Variants in CSPP1 observed in about 807,000 individuals in gnomAD.
The protein encoded by CSPP1 is centrosome and spindle pole-associated protein 1.
Under a neutral mutation model 164.4 loss-of-function variants are expected in CSPP1, and 126 were observed. That is an observed-to-expected ratio of 0.77 (90% CI 0.66 to 0.89). The LOEUF (loss-of-function observed/expected upper bound fraction) is 0.89. Among genes scored for constraint, CSPP1 ranks in the 40% least tolerant of loss-of-function variants. The probability of loss-of-function intolerance (pLI) is 0.00; values close to 1 mark genes in which losing one functional copy is unlikely to be tolerated. For synonymous variants in CSPP1, 472 were observed against 476.7 expected (o/e 0.99, Z 0.13); for missense variants, 1,395 against 1,449.8 (o/e 0.96, Z 0.61).
chr8:67,099,529 G>A (rs1813588059), intron 7 of CSPP1: 1 of 152,152 alleles, frequency 6.6e-6, no homozygotes, highest in South Asian at 2.1e-4. Flanking sequence ...ATGGTTCTTA[G>A]ACATTTAGTG....
chr8:67,077,776 ACTC>A (rs1280884692), intron 3 of CSPP1, among the ~76,000 whole-genome samples: 2 of 152,138 alleles, frequency 1.3e-5, no homozygotes, highest in Non-Finnish European at 2.9e-5. Flanking sequence ...ATGTAGGTAT[ACTC>A]CTAAATTGTT....
At chr8:67,096,283 G>A (rs1283889783) in intron 7 of CSPP1, among the ~76,000 whole-genome samples, 3 of 152,248 alleles carry the variant, frequency 2.0e-5, no homozygotes, top group South Asian at 4.1e-4. Flanking sequence ...ATATTAAAAT[G>A]TGGCCAGGCA....
At chr8:67,146,892 A>C (rs1365358122) in intron 17 of CSPP1, among the ~76,000 whole-genome samples, 1 of 152,238 alleles carries the variant, frequency 6.6e-6, no homozygotes, top group Non-Finnish European at 1.5e-5. Context: ...CTCTTGACCA[A>C]AGTGCCTTTT....
intron 21 of CSPP1, among the ~76,000 whole-genome samples, chr8:67,159,921 T>TTTCTTTCTTTC (rs1176409279): frequency 1.7e-5 from 1 of 59,650 alleles, no homozygotes; most frequent in Non-Finnish European, 3.1e-5. Context: ...TCTTTCTTTC[T>TTTCTTTCTTTC]TTCCTTTCCT....
intron 28 of CSPP1, among the ~76,000 whole-genome samples, chr8:67,185,813 C>G (rs183127852): frequency 6.6e-6 from 1 of 152,164 alleles, no homozygotes; most frequent in Admixed American, 6.5e-5. Flanking sequence ...ACAAGATACT[C>G]CAGCCAGAAA....
Position 67,064,434 on chromosome 8 carries a change from T to C in CSPP1, c.-115T>C, listed in dbSNP as rs1241259781. 3.7e-6 allele frequency: 6 copies of C among 1,613,788 alleles called. No homozygotes were observed. The East Asian group carries it at 1.3e-4, about 36-fold the overall frequency. ...CGCTCCAGGTGGCCGCTGTAACCTC[T>C]TCGGTCCGCGACGATCCTCTAGAGC... is the stretch of plus-strand genomic sequence containing the variant. On this transcript the variant is annotated 5_prime_UTR_variant, in exon 1 of 31. Transcript: ENST00000678616.
intron 8 of CSPP1, among the ~76,000 whole-genome samples, chr8:67,105,180 C>T (rs975546776): frequency 3.3e-5 from 5 of 150,616 alleles, no homozygotes; most frequent in Admixed American, 6.6e-5. Flanking sequence ...CGTGTGCCAC[C>T]ATGTCCAGCT....
chr8:67,175,874 T>C (rs550423756), intron 26 of CSPP1, among the ~76,000 whole-genome samples: 2 of 152,334 alleles, frequency 1.3e-5, no homozygotes, highest in Admixed American at 1.3e-4. Context: ...AGCATCAGAC[T>C]GGACTATGAA....
chr8:67,166,167 A>G (rs184545973), intron 24 of CSPP1, among the ~76,000 whole-genome samples: 1 of 152,240 alleles, frequency 6.6e-6, no homozygotes, highest in African/African-American at 2.4e-5. Context: ...CCTCAGGATC[A>G]TCTTGTATTT....
chr8:67,090,432 C>T (rs145712537), intron 4 of CSPP1, among the ~76,000 whole-genome samples: 2,482 of 151,998 alleles, frequency 0.016, 62 homozygotes, highest in South Asian at 0.046. Flanking sequence ...ACTACAGGTG[C>T]GCGGCCCCAA....
At position 67,101,415 on chromosome 8, in the gene CSPP1, C is replaced by T. The variant is rs189501276; in HGVS notation, c.924-1622C>T. ...TTTTCTGAGGATAGGCAGTCTCAGG[C>T]CTGCTCTGTTAACGCTTTTCTGCAT... On this transcript the variant is annotated intron_variant, in intron 7 of 30. Coordinates refer to ENST00000678616, the MANE Select transcript of CSPP1 (RefSeq NM_001382391.1). 1.9e-3 allele frequency among the ~76,000 whole-genome samples: 284 copies of T among 152,300 alleles called. 4 individuals carry two copies. The highest frequency in any genetic ancestry group is 6.6e-3 in the African/African-American group (273 of 41,570).
At chr8:67,075,343 T>TCCTGGTTTA (rs57407566) in intron 2 of CSPP1, among the ~76,000 whole-genome samples, 3,664 of 152,258 alleles carry the variant, frequency 0.024, 132 homozygotes, top group African/African-American at 0.082. Flanking sequence ...TTCAAGATGA[T>TCCTGGTTTA]CCTGGTTTAC....
intron 17 of CSPP1, among the ~76,000 whole-genome samples, chr8:67,146,410 A>G: frequency 6.6e-6 from 1 of 152,212 alleles, no homozygotes; most frequent in Admixed American, 6.5e-5. Context: ...GGCATGAGCC[A>G]CTGCGCCCAG....
chr8:67,082,211 C>T (rs1809358821), intron 3 of CSPP1, among the ~76,000 whole-genome samples: 1 of 152,158 alleles, frequency 6.6e-6, no homozygotes, highest in Non-Finnish European at 1.5e-5. Context: ...CCACACCCAG[C>T]TACTTTTTTT....
intron 9 of CSPP1, among the ~76,000 whole-genome samples, chr8:67,109,527 G>A (rs1816377078): frequency 6.6e-6 from 1 of 152,148 alleles, no homozygotes; most frequent in African/African-American, 2.4e-5. Context: ...ATACAAGTAA[G>A]TTACAGGTCC....
At chr8:67,176,998 G>C (rs538377324) in intron 26 of CSPP1, among the ~76,000 whole-genome samples, 1 of 150,524 alleles carries the variant, frequency 6.6e-6, no homozygotes, top group Non-Finnish European at 1.5e-5. Context: ...TTGAACCCAG[G>C]AGGTGGAGGT....
chr8:67,124,825 C>T (rs1819747870), intron 15 of CSPP1, among the ~76,000 whole-genome samples: 1 of 152,130 alleles, frequency 6.6e-6, no homozygotes, highest in Non-Finnish European at 1.5e-5. Flanking sequence ...ACTACTCCCA[C>T]TACGCCTAGC....
chr8:67,179,944 A>G lies in CSPP1; in HGVS notation c.3220+18A>G. 1 of 1,368,798 alleles carries G rather than the reference A, an allele frequency of 7.3e-7. No individual in the cohort carries two copies. Among genetic ancestry groups the G allele is most frequent in the Non-Finnish European group, 1.0e-6 (1 of 958,744 alleles). 84.8% of individuals were successfully genotyped at this position (1,368,798 alleles called of 1,614,324 possible). A position where few individuals can be genotyped will look rare whatever the true frequency, so the allele number is the denominator to read the frequency against. ...TTTTATTGGTGAGTATATTTATTTT[A>G]TTAAGGCTATATTGTTTAAATATTA... On this transcript the variant is annotated intron_variant, in intron 28 of 30. Transcript: ENST00000678616.
chr8:67,093,599 A>G lies in CSPP1; in HGVS notation c.441A>G (p.Glu147=), dbSNP rs763787881. 5 of 1,613,032 alleles carry G rather than the reference A, an allele frequency of 3.1e-6. No homozygotes were observed. Among genetic ancestry groups the G allele is most frequent in the Non-Finnish European group, 4.2e-6 (5 of 1,179,144 alleles). Residue 147 remains glutamate, a synonymous_variant, in exon 6 of 31, where the codon GAA becomes GAG. Transcript: ENST00000678616. ...ACAATCAGTTTCTCAGGGGTAAGGA[A>G]GAATCCAGTGAAAAGTTCAGGCAGG... The part of the protein sequence containing the change: ...KEYNQFLRGK[E]ESSEKFRQVE...
Sources: gnomAD v4.1 joint callset for allele counts (sites outside exome capture counted in the v4.1 genomes callset) on GRCh38, gnomAD v4.1.1 for gene constraint, MANE v1.5 for transcripts, NCBI Gene and HGNC (gene_info 2026-07-23, HGNC 2026-07-21) for gene names.